RAPGEF6: variants seen among roughly 807,000 people sequenced by gnomAD.
RAPGEF6 encodes the protein PDZ domain containing guanine nucleotide exchange factor (GEF) 2.
In RAPGEF6, 56 loss-of-function variants were observed where a neutral mutation model predicts 171.4. That is an observed-to-expected ratio of 0.33 (90% CI 0.26 to 0.41). The LOEUF (loss-of-function observed/expected upper bound fraction) is 0.41. RAPGEF6 is among the 10% of genes least tolerant of loss of function. The probability of loss-of-function intolerance (pLI) is 1.00; values close to 1 mark genes in which losing one functional copy is unlikely to be tolerated. For synonymous variants in RAPGEF6, 692 were observed against 650.1 expected (o/e 1.06, Z -0.98); for missense variants, 1,674 against 1,921.4 (o/e 0.87, Z 2.41).
chr5:131,571,867 C>A (rs967707758), intron 4 of RAPGEF6, among the ~76,000 whole-genome samples: 2 of 152,122 alleles, frequency 1.3e-5, no homozygotes, highest in African/African-American at 4.8e-5. Flanking sequence ...CCGCCCCCAG[C>A]CTGTGATAAT....
At chr5:131,550,189 G>C (rs1760832727) in intron 5 of RAPGEF6, among the ~76,000 whole-genome samples, 1 of 152,016 alleles carries the variant, frequency 6.6e-6, no homozygotes, top group Non-Finnish European at 1.5e-5. Context: ...AGCAATAGGT[G>C]ATCCTGCTGC....
intron 4 of RAPGEF6, among the ~76,000 whole-genome samples, chr5:131,575,454 GA>G (rs2149984582): frequency 6.6e-6 from 1 of 152,166 alleles, no homozygotes; most frequent in African/African-American, 2.4e-5. Context: ...ATCCGTTACC[GA>G]TCTTGGCATA....
chr5:131,609,669 C>A (rs920619114), intron 1 of RAPGEF6, among the ~76,000 whole-genome samples: 1 of 152,146 alleles, frequency 6.6e-6, no homozygotes, highest in African/African-American at 2.4e-5. Flanking sequence ...AGAGACCAAC[C>A]GTATGAGTTC....
At chr5:131,618,875 T>A (rs1054321804) in intron 1 of RAPGEF6, among the ~76,000 whole-genome samples, 2 of 152,070 alleles carry the variant, frequency 1.3e-5, no homozygotes, top group South Asian at 2.1e-4. Context: ...ACTGACAATG[T>A]GTGTCAGTGA....
intron 21 of RAPGEF6, among the ~76,000 whole-genome samples, chr5:131,451,928 A>T (rs1049480370): frequency 8.5e-5 from 13 of 152,200 alleles, no homozygotes; most frequent in African/African-American, 3.1e-4. Context: ...ACACCCTGAA[A>T]ATTATAAAAA....
chr5:131,505,177 GA>G (rs1419064011), intron 10 of RAPGEF6, among the ~76,000 whole-genome samples, 186 bp downstream of exon 10: 1 of 151,428 alleles, frequency 6.6e-6, no homozygotes, highest in Non-Finnish European at 1.5e-5. Context: ...AATCTCTTTT[GA>G]AAACTTATAG....
At chr5:131,559,413 T>C (rs928560934) in intron 5 of RAPGEF6, among the ~76,000 whole-genome samples, 3 of 152,222 alleles carry the variant, frequency 2.0e-5, no homozygotes, top group African/African-American at 7.2e-5. Context: ...CTAAGGACAA[T>C]TTTTGTTTTA....
At chr5:131,575,690 T>C (rs1431698104) in intron 4 of RAPGEF6, among the ~76,000 whole-genome samples, 1 of 152,148 alleles carries the variant, frequency 6.6e-6, no homozygotes, top group Non-Finnish European at 1.5e-5. Context: ...TTCTTTTTGT[T>C]CCTTAAAGAC....
At position 131,535,837 on chromosome 5, in the gene RAPGEF6, T is replaced by G. The variant is rs541871679; in HGVS notation, c.495+12210A>C. Among the ~76,000 whole-genome samples the G allele has an allele frequency of 2.0e-5, 3 of 152,246 alleles. No individual in the cohort carries two copies. In the South Asian group the frequency reaches 6.2e-4, roughly 32 times the overall value. ...AGTTACTAAACTAACTGTAAACACA[T>G]CTTTTATGTTAATATGTGACAACAC... On this transcript the variant is annotated intron_variant, in intron 6 of 27. Coordinates refer to ENST00000509018, the MANE Select transcript of RAPGEF6 (RefSeq NM_016340.6).
At chr5:131,468,523 T>C (rs867097961) in intron 17 of RAPGEF6, among the ~76,000 whole-genome samples, 5 of 97,486 alleles carry the variant, frequency 5.1e-5, no homozygotes, top group South Asian at 7.0e-4. Flanking sequence ...GAAGGATGTA[T>C]GTACTGACCC....
rs1766563377 is a variant in RAPGEF6 at position 131,635,155 on chromosome 5, C to A, written c.-125G>T. On this transcript the variant is annotated 5_prime_UTR_variant, in exon 1 of 28. Coordinates refer to ENST00000509018, the MANE Select transcript of RAPGEF6 (RefSeq NM_016340.6). ...GGGAACTTCGCGCCGTAACAAGGTC[C>A]GAACTCTAGCAAACAACCCTTCGCA... 2.0e-6 allele frequency: 2 copies of A among 1,004,360 alleles called. No homozygotes were observed. Among genetic ancestry groups the A allele is most frequent in the East Asian group, 2.7e-5 (1 of 36,512 alleles). The allele number at this position is 1,004,360 out of a possible 1,614,324, so 62.2% of individuals were successfully genotyped here. A position where few individuals can be genotyped will look rare whatever the true frequency, so the allele number is the denominator to read the frequency against.
Position 131,581,165 on chromosome 5 carries a change from G to A in RAPGEF6, c.281+11218C>T, listed in dbSNP as rs771252223. ...TTAGCCGCAGCTGTCCTCTAGAACCGCCGAGGCCTTGATTTACTCACTGCT... is the reference window on the plus strand; with the variant it reads ...TTAGCCGCAGCTGTCCTCTAGAACCACCGAGGCCTTGATTTACTCACTGCT... On this transcript the variant is annotated intron_variant, in intron 4 of 27. Transcript: ENST00000509018. 5.9e-5 allele frequency among the ~76,000 whole-genome samples: 9 copies of A among 152,268 alleles called. No homozygotes were observed. In the East Asian group the frequency reaches 7.7e-4, roughly 13 times the overall value.
At chr5:131,477,893 G>A (rs1370562129) in intron 16 of RAPGEF6, among the ~76,000 whole-genome samples, 3 of 152,030 alleles carry the variant, frequency 2.0e-5, no homozygotes, top group Admixed American at 6.5e-5. Context: ...CTGGATCCTC[G>A]GTTTTGTCCC....
intron 3 of RAPGEF6, 61 bp from the exon 4 acceptor site, chr5:131,592,527 ATTC>A: frequency 6.4e-7 from 1 of 1,555,276 alleles, no homozygotes; most frequent in Non-Finnish European, 8.7e-7. Flanking sequence ...ATGTATATGA[ATTC>A]AATAAGAAAT....
intron 14 of RAPGEF6, 109 bp downstream of exon 14, chr5:131,492,473 A>G (rs1756346366): frequency 9.2e-7 from 1 of 1,090,650 alleles, no homozygotes; most frequent in Non-Finnish European, 1.4e-6. Context: ...AAAAAGGCTC[A>G]GAAAAATATT....
intron 9 of RAPGEF6, among the ~76,000 whole-genome samples, chr5:131,505,900 G>C (rs1580933994): frequency 1.3e-5 from 2 of 152,116 alleles, no homozygotes; most frequent in Admixed American, 6.6e-5. Context: ...TGGTCATATG[G>C]AAAGTATCTA....
intron 6 of RAPGEF6, among the ~76,000 whole-genome samples, chr5:131,529,078 A>G (rs939919409): frequency 2.0e-5 from 3 of 152,048 alleles, no homozygotes; most frequent in African/African-American, 7.3e-5. Flanking sequence ...TGAGCTCCCA[A>G]CTAAGAACCA....
At chr5:131,509,543 A>G (rs79818541) in intron 8 of RAPGEF6, among the ~76,000 whole-genome samples, 120 of 120,572 alleles carry the variant, frequency 1.0e-3, no homozygotes, top group Middle Eastern at 4.3e-3. Context: ...ACACCGTCTC[A>G]AAAAAAAAAA....
intron 6 of RAPGEF6, chr5:131,532,143 A>G (rs1208988501): frequency 4.4e-6 from 2 of 453,734 alleles, no homozygotes; most frequent in Non-Finnish European, 8.8e-6. Flanking sequence ...AACAGCGAAC[A>G]AGAAAAGCCA....
Sources: allele counts gnomAD v4.1 joint callset (sites outside exome capture counted in the v4.1 genomes callset), GRCh38; gene constraint gnomAD v4.1.1; transcripts MANE v1.5; gene names NCBI Gene and HGNC (gene_info 2026-07-23, HGNC 2026-07-21).